Variants in DPP6 observed in about 807,000 individuals in gnomAD.
DPP6 encodes the protein dipeptidyl peptidase like 6, also known as A-type potassium channel modulatory protein DPP6.
A neutral mutation model predicts 122.6 loss-of-function variants in DPP6; 69 were observed. The ratio of observed to expected loss-of-function variants is 0.56; its 90% CI spans 0.46 to 0.69. The LOEUF (loss-of-function observed/expected upper bound fraction) is 0.69. Among genes scored for constraint, DPP6 ranks in the 30% least tolerant of loss-of-function variants. The pLI is 0.00. For missense variants in DPP6, 928 were observed against 1,116.9 expected (o/e 0.83, Z 2.41); for synonymous variants, 418 against 433.1 (o/e 0.97, Z 0.43).
At chr7:153,829,588 G>T in the DPP6 span, among the ~76,000 whole-genome samples, 1 of 152,104 alleles carries the variant, frequency 6.6e-6, no homozygotes. Context: ...TCATTCTACT[G>T]TGCCTTCATT....
At chr7:154,487,970 A>G (rs1823942087) in intron 3 of DPP6, among the ~76,000 whole-genome samples, 1 of 152,042 alleles carries the variant, frequency 6.6e-6, no homozygotes. Flanking sequence ...GACAGCAAAC[A>G]TCTTGGGGGT....
chr7:154,265,657 ATAAACT>A (rs1482611005), intron 1 of DPP6, among the ~76,000 whole-genome samples: 1 of 152,236 alleles, frequency 6.6e-6, no homozygotes, highest in Non-Finnish European at 1.5e-5. Context: ...CTTACACAAA[ATAAACT>A]TAAGATTACT....
In DPP6 at chr7:154,515,725, C is replaced by T. The variant is rs556456643; in HGVS notation, c.458-24807C>T. On this transcript the variant is annotated intron_variant, in intron 3 of 25. Coordinates refer to ENST00000377770, the MANE Select transcript of DPP6 (RefSeq NM_130797.4). ...AAATCCTGACCTGATCCGCCCTCGT[C>T]GGCCTCCCAAAGTGCTGGGATTACA... Among the ~76,000 whole-genome samples, 3 of 152,248 alleles carry T rather than the reference C, an allele frequency of 2.0e-5. No homozygotes were observed. The South Asian group carries it at 6.2e-4, about 32-fold the overall frequency.
intron 1 of DPP6, among the ~76,000 whole-genome samples, chr7:153,928,293 C>T (rs1801000194): frequency 1.3e-5 from 2 of 150,838 alleles, no homozygotes; most frequent in South Asian, 2.1e-4. Flanking sequence ...CTCACTGCAA[C>T]CTCCGTCTCC....
At chr7:154,721,750 A>AT (rs34286795) in intron 7 of DPP6, among the ~76,000 whole-genome samples, 15,378 of 152,226 alleles carry the variant, frequency 0.1, 1,095 homozygotes, top group Middle Eastern at 0.15. Context: ...GAGAGAATGG[A>AT]TTTTTTATAA....
At chr7:153,937,574 A>C in intron 1 of DPP6, among the ~76,000 whole-genome samples, 1 of 151,146 alleles carries the variant, frequency 6.6e-6, no homozygotes, top group East Asian at 1.9e-4. Flanking sequence ...CAGCCTCCCA[A>C]GTAGCTGGGA....
chr7:154,725,512 C>G (rs112466955), intron 7 of DPP6, among the ~76,000 whole-genome samples: 3,038 of 152,190 alleles, frequency 0.02, 107 homozygotes, highest in African/African-American at 0.067. Context: ...ACAGCCAGAT[C>G]TCATGAGAAT....
chr7:154,736,204 G>T (rs1436835260), intron 8 of DPP6, among the ~76,000 whole-genome samples: 1 of 152,218 alleles, frequency 6.6e-6, no homozygotes, highest in Non-Finnish European at 1.5e-5. Context: ...TCTAATCACA[G>T]AAGGAGGTAG....
At chr7:153,864,743 A>G in the DPP6 span, among the ~76,000 whole-genome samples, 16 of 151,780 alleles carry the variant, frequency 1.1e-4, no homozygotes, top group African/African-American at 3.6e-4. Flanking sequence ...AACTTTTAAC[A>G]GGGAAAATAT....
At chr7:154,433,137 T>TTTTTTTTTTTTG (rs1491190945) in intron 1 of DPP6, among the ~76,000 whole-genome samples, 1 of 6,804 alleles carries the variant, frequency 1.5e-4, no homozygotes, top group African/African-American at 5.2e-4. Flanking sequence ...AGACTGCAAG[T>TTTTTTTTTTTTG]TTTTTTTTTT....
chr7:154,225,765 G>A (rs1800561133), intron 1 of DPP6, among the ~76,000 whole-genome samples: 1 of 152,132 alleles, frequency 6.6e-6, no homozygotes, highest in South Asian at 2.1e-4. Flanking sequence ...ACTGGAGGCA[G>A]GATGTAAACA....
intron 1 of DPP6, among the ~76,000 whole-genome samples, chr7:154,265,581 A>C (rs1270740731): frequency 6.6e-6 from 1 of 152,228 alleles, no homozygotes; most frequent in Non-Finnish European, 1.5e-5. Flanking sequence ...CATAGTATTC[A>C]ATGCTGCTGC....
Position 154,112,925 on chromosome 7 carries a change from C to G in DPP6, c.243+59862C>G, listed in dbSNP as rs1482272019. Reference sequence around the variant, plus strand: ...TCCCAAGCCCCTGGCAAGCACCTCTCTACTCTCTGTACAAGTCTGCCTGCT... The same window carrying G: ...TCCCAAGCCCCTGGCAAGCACCTCTGTACTCTCTGTACAAGTCTGCCTGCT... On this transcript the variant is annotated intron_variant, in intron 1 of 25. Coordinates refer to ENST00000377770, the MANE Select transcript of DPP6 (RefSeq NM_130797.4). Among the ~76,000 whole-genome samples, 4 of 152,190 alleles carry G rather than the reference C, an allele frequency of 2.6e-5. No homozygotes were observed. In the East Asian group the frequency reaches 5.8e-4, roughly 22 times the overall value.
the DPP6 span, among the ~76,000 whole-genome samples, chr7:153,811,427 C>G: frequency 1.3e-5 from 2 of 152,128 alleles, no homozygotes; most frequent in Non-Finnish European, 2.9e-5. Flanking sequence ...TAGGAGGATG[C>G]AGAGTGAGGA....
chr7:154,561,006 TAAG>T (rs1356779539), intron 4 of DPP6, among the ~76,000 whole-genome samples: 3 of 151,238 alleles, frequency 2.0e-5, no homozygotes, highest in African/African-American at 4.9e-5. Context: ...TTACCAGAAA[TAAG>T]AAGAAATATT....
intron 1 of DPP6, among the ~76,000 whole-genome samples, chr7:154,266,807 A>T (rs1321706537): frequency 1.3e-5 from 2 of 152,206 alleles, no homozygotes; most frequent in African/African-American, 4.8e-5. Context: ...GACATCTAGA[A>T]AGTCAAAACT....
intron 1 of DPP6, among the ~76,000 whole-genome samples, chr7:153,943,967 C>A (rs547496533): frequency 2.0e-5 from 3 of 152,158 alleles, no homozygotes; most frequent in Non-Finnish European, 2.9e-5. Flanking sequence ...TTCACTCTTT[C>A]CTTCCCTCTC....
chr7:154,481,061 G>A lies in DPP6; in HGVS notation c.457+6024G>A, dbSNP rs1294834977. The stretch of plus-strand genomic sequence containing the variant: ...GTCCACTCGGAGGGTTGGAGGGCTG[G>A]ACTCAAGCCCAGCAGCAGCAGGAAG... On this transcript the variant is annotated intron_variant, in intron 3 of 25. Coordinates refer to ENST00000377770, the MANE Select transcript of DPP6 (RefSeq NM_130797.4). The surrounding 1 kb of genome is among the most constrained non-coding windows in gnomAD (Gnocchi z 4.2). Among the ~76,000 whole-genome samples, 1 of 152,098 alleles carries A rather than the reference G, an allele frequency of 6.6e-6. No homozygotes were observed. The highest frequency in any genetic ancestry group is 1.5e-5 in the Non-Finnish European group (1 of 68,030).
chr7:153,833,692 G>A, the DPP6 span, among the ~76,000 whole-genome samples: 19 of 151,884 alleles, frequency 1.3e-4, no homozygotes, highest in African/African-American at 4.6e-4. Context: ...AAAAGGTGGG[G>A]GTGTGTGGGG....
Sources: gnomAD v4.1 joint callset for allele counts (sites outside exome capture counted in the v4.1 genomes callset) on GRCh38, gnomAD v4.1.1 for gene constraint, Gnocchi (gnomAD v3.1) non-coding constraint, MANE v1.5 for transcripts, NCBI Gene and HGNC (gene_info 2026-07-23, HGNC 2026-07-21) for gene names.